Variants in PDE4D observed in about 807,000 individuals in gnomAD.
PDE4D encodes the protein 3',5'-cyclic-AMP phosphodiesterase 4D.
PDE4D carries 24 observed loss-of-function variants against 87.4 expected under a neutral mutation model. That is an observed-to-expected ratio of 0.27 (90% confidence interval 0.20 to 0.39). The LOEUF (loss-of-function observed/expected upper bound fraction) is 0.39, where lower values mean the gene tolerates loss of function less well. Ranked by LOEUF, PDE4D falls within the 10% of genes least tolerant of loss-of-function variation. PDE4D has a pLI of 1.00. For synonymous variants in PDE4D, 384 were observed against 383.2 expected (o/e 1.00, Z -0.02); for missense variants, 714 against 1,041.0 (o/e 0.69, Z 4.32).
intron 1 of PDE4D, among the ~76,000 whole-genome samples, chr5:59,714,560 G>A (rs1487829548): frequency 6.6e-6 from 1 of 152,222 alleles, no homozygotes; most frequent in East Asian, 1.9e-4. Context: ...TGGCCTGACA[G>A]CCATCCCATC....
intron 1 of PDE4D, among the ~76,000 whole-genome samples, chr5:59,284,369 AC>A (rs1766452924): frequency 6.6e-6 from 1 of 152,128 alleles, no homozygotes; most frequent in Non-Finnish European, 1.5e-5. Flanking sequence ...CCAAATAGAA[AC>A]CTGGGCCTCC....
At chr5:59,780,496 T>C (rs575286672) in intron 1 of PDE4D, among the ~76,000 whole-genome samples, 10 of 152,346 alleles carry the variant, frequency 6.6e-5, no homozygotes, top group Non-Finnish European at 1.5e-4. Context: ...GCATTAACTT[T>C]CTTTTTCGGT....
chr5:59,636,851 G>T (rs1462726180), intron 1 of PDE4D, among the ~76,000 whole-genome samples: 1 of 152,082 alleles, frequency 6.6e-6, no homozygotes, highest in Non-Finnish European at 1.5e-5. Flanking sequence ...TGGGCAAAGA[G>T]TTCATGACTA....
intron 1 of PDE4D, among the ~76,000 whole-genome samples, chr5:59,448,423 G>A (rs1234563663): frequency 1.3e-5 from 2 of 152,172 alleles, no homozygotes; most frequent in African/African-American, 4.8e-5. Flanking sequence ...TGCAGGTTGA[G>A]CTGGCAATGA....
chr5:59,661,097 T>TATATATATATA (rs1561426172), intron 1 of PDE4D, among the ~76,000 whole-genome samples: 5 of 147,792 alleles, frequency 3.4e-5, no homozygotes, highest in African/African-American at 1.2e-4. Flanking sequence ...TATATATATA[T>TATATATATATA]TTTGTCATCT....
chr5:60,491,975 A>G (rs920543607), upstream of PDE4D, among the ~76,000 whole-genome samples: 1 of 152,222 alleles, frequency 6.6e-6, no homozygotes, highest in Non-Finnish European at 1.5e-5. Flanking sequence ...ACTGCTCATT[A>G]AAAGAAAATT....
At chr5:59,526,974 T>C (rs1015219465) in intron 1 of PDE4D, among the ~76,000 whole-genome samples, 2 of 152,204 alleles carry the variant, frequency 1.3e-5, no homozygotes, top group Admixed American at 6.5e-5. Flanking sequence ...CATTCTCCTA[T>C]TGATAGACAC....
At chr5:59,283,989 A>G (rs1468706472) in intron 1 of PDE4D, among the ~76,000 whole-genome samples, 1 of 152,120 alleles carries the variant, frequency 6.6e-6, no homozygotes, top group Non-Finnish European at 1.5e-5. Flanking sequence ...GACAATATGC[A>G]CACCTAGAAT....
rs939312403 is a variant in PDE4D, at chr5:60,049,593, C to A, written c.43-60876G>T. Among the ~76,000 whole-genome samples, 39 of 152,116 alleles carry A rather than the reference C, an allele frequency of 2.6e-4. 1 individual carries two copies. Among genetic ancestry groups the A allele is most frequent in the Non-Finnish European group, 1.5e-5 (1 of 68,032 alleles). The stretch of plus-strand genomic sequence containing the variant: ...TAGTTTTCCTTCTAACAGACAGGAC[C>A]CTCAGCTGCAGGTCTGTTGGAGTAC... On this transcript the variant is annotated intron_variant, in intron 2 of 16. Transcript: ENST00000502484.
intron 1 of PDE4D, among the ~76,000 whole-genome samples, chr5:59,827,729 A>G (rs1301374635): frequency 2.0e-5 from 3 of 152,140 alleles, no homozygotes; most frequent in Non-Finnish European, 4.4e-5. Flanking sequence ...GGAGCATTAG[A>G]GAAAGGATGG....
intron 1 of PDE4D, among the ~76,000 whole-genome samples, chr5:59,742,152 C>T (rs951517216): frequency 2.0e-5 from 3 of 152,124 alleles, no homozygotes; most frequent in African/African-American, 7.2e-5. Flanking sequence ...CAACCTCCAC[C>T]TCCCAGGTTC....
At chr5:60,497,043 A>G (rs2150241821) in intron 1 of PDE4D, among the ~76,000 whole-genome samples, 1 of 152,318 alleles carries the variant, frequency 6.6e-6, no homozygotes, top group East Asian at 1.9e-4. Flanking sequence ...CATTTTCCCC[A>G]TGAATATGCT....
Position 58,999,397 on chromosome 5 carries a change from C to G in PDE4D, c.922-5932G>C, listed in dbSNP as rs907972389. 5.6e-6 allele frequency: 3 copies of G among 539,486 alleles called. No individual in the cohort carries two copies. In the Admixed American group the frequency reaches 8.8e-5, roughly 16 times the overall value. The allele number at this position is 539,486 out of a possible 1,614,324, so 33.4% of individuals were successfully genotyped here. On this transcript the variant is annotated intron_variant, in intron 6 of 14. Transcript: ENST00000340635. ...TCATGTGTAAGGAAAGAATACATAA[C>G]TGATAGTTTGAACAAATTACAGTAG... is the stretch of plus-strand genomic sequence containing the variant.
intron 2 of PDE4D, among the ~76,000 whole-genome samples, chr5:60,012,479 A>G (rs1256092231): frequency 2.0e-5 from 3 of 152,236 alleles, no homozygotes; most frequent in Non-Finnish European, 1.5e-5. Flanking sequence ...GAGGAAAGAT[A>G]AGATGCTCAG....
intron 5 of PDE4D, among the ~76,000 whole-genome samples, chr5:59,154,109 A>G (rs1032037647): frequency 6.6e-6 from 1 of 152,168 alleles, no homozygotes; most frequent in African/African-American, 2.4e-5. Flanking sequence ...CACGAAAGAG[A>G]TCTGATTTTA....
chr5:59,919,748 C>G (rs895573550), intron 3 of PDE4D, among the ~76,000 whole-genome samples: 2 of 150,490 alleles, frequency 1.3e-5, no homozygotes, highest in Non-Finnish European at 2.9e-5. Context: ...ACAAAGTAGA[C>G]ACTGAATAAA....
chr5:58,975,089 GA>G lies in PDE4D; in HGVS notation c.2014-10del, dbSNP rs745463499. 2.1e-6 allele frequency: 3 copies of G among 1,454,388 alleles called. No homozygotes were observed. Among genetic ancestry groups the G allele is most frequent in the East Asian group, 2.3e-5 (1 of 43,044 alleles). 90.1% of individuals were successfully genotyped at this position (1,454,388 alleles called of 1,614,324 possible). A position where few individuals can be genotyped will look rare whatever the true frequency, so the allele number is the denominator to read the frequency against. ...TAGTCTATGAAGCCCACCTAGTTAA[GA>G]AAAAAATCCAGTATGAGTAGAGGAC... On this transcript the variant is annotated splice_polypyrimidine_tract_variant and intron_variant, in intron 14 of 14. Transcript: ENST00000340635. The surrounding 1 kb of genome is among the most constrained non-coding windows in gnomAD (Gnocchi z 4.2).
intron 1 of PDE4D, among the ~76,000 whole-genome samples, chr5:59,780,603 CTT>C (rs1764518945): frequency 6.6e-6 from 1 of 152,188 alleles, no homozygotes; most frequent in African/African-American, 2.4e-5. Context: ...CCTAGTCCCT[CTT>C]TTACACATCA....
chr5:60,123,658 C>T (rs1481946981), intron 2 of PDE4D, among the ~76,000 whole-genome samples: 1 of 151,880 alleles, frequency 6.6e-6, no homozygotes, highest in Non-Finnish European at 1.5e-5. Flanking sequence ...ACCTCAATGT[C>T]AAAGTCTTCT....
Sources: allele counts gnomAD v4.1 joint callset (sites outside exome capture counted in the v4.1 genomes callset), GRCh38; gene constraint gnomAD v4.1.1; non-coding constraint Gnocchi (gnomAD v3.1); transcripts MANE v1.5; gene names NCBI Gene and HGNC (gene_info 2026-07-23, HGNC 2026-07-21).